The following KITLG variants were observed in gnomAD, a reference collection of about 807,000 sequenced individuals.
The protein encoded by KITLG is KIT ligand, also known as c-Kit ligand.
KITLG carries 13 observed loss-of-function variants against 34.1 expected under a neutral mutation model. The observed-to-expected ratio is 0.38, with a 90% confidence interval of 0.25 to 0.61. The LOEUF is 0.61. Among genes scored for constraint, KITLG ranks in the 20% least tolerant of loss-of-function variants. KITLG has a pLI of 0.60. For synonymous variants in KITLG, 110 were observed against 104.0 expected, an observed-to-expected ratio of 1.06 and a Z score of -0.35; for missense variants, 292 against 318.9, an observed-to-expected ratio of 0.92 and a Z score of 0.64.
At chr12:88,498,276 A>G (rs1868716917) in intron 9 of KITLG, among the ~76,000 whole-genome samples, 2 of 152,308 alleles carry the variant, frequency 1.3e-5, no homozygotes, top group South Asian at 2.1e-4. Context: ...CAGATTAGCC[A>G]TAAAATTCCA....
chr12:88,545,622 A>G, intron 2 of KITLG, 130 bp downstream of exon 2: 3 of 621,834 alleles, frequency 4.8e-6, no homozygotes, highest in Non-Finnish European at 8.6e-6. Context: ...ATTGTAACCC[A>G]GTGATTACTT....
chr12:88,513,412 G>C (rs570341693), intron 6 of KITLG, among the ~76,000 whole-genome samples: 164 of 151,706 alleles, frequency 1.1e-3, no homozygotes, highest in African/African-American at 3.7e-3. Flanking sequence ...GGAAATGGTG[G>C]ATTAAAATCC....
intron 9 of KITLG, among the ~76,000 whole-genome samples, chr12:88,499,242 C>T (rs1342401228): frequency 6.6e-6 from 1 of 152,154 alleles, no homozygotes; most frequent in Non-Finnish European, 1.5e-5. Flanking sequence ...AGAAACCAAA[C>T]TCCCAAAGCT....
At chr12:88,514,706 GT>G (rs200219732) in intron 6 of KITLG, among the ~76,000 whole-genome samples, 2 of 151,554 alleles carry the variant, frequency 1.3e-5, no homozygotes, top group African/African-American at 4.8e-5. Context: ...GTATTTTAGA[GT>G]TTTTTTAAAT....
At chr12:88,537,318 C>A (rs1328930066) in intron 2 of KITLG, among the ~76,000 whole-genome samples, 1 of 152,068 alleles carries the variant, frequency 6.6e-6, no homozygotes, top group Non-Finnish European at 1.5e-5. Flanking sequence ...AAAATCATGT[C>A]TTTCGCAGGA....
At chr12:88,530,988 G>A (rs900625377) in intron 3 of KITLG, among the ~76,000 whole-genome samples, 1 of 152,150 alleles carries the variant, frequency 6.6e-6, no homozygotes, top group Non-Finnish European at 1.5e-5. Context: ...ATAAGTTTTG[G>A]TAGATTATGG....
chr12:88,524,336 C>T (rs1869788806), intron 3 of KITLG, among the ~76,000 whole-genome samples: 1 of 152,064 alleles, frequency 6.6e-6, no homozygotes, highest in African/African-American at 2.4e-5. Flanking sequence ...TTGGAAAACA[C>T]AGAAATGTGA....
At chr12:88,517,277 G>A (rs1869494614) in intron 4 of KITLG, among the ~76,000 whole-genome samples, 1 of 151,898 alleles carries the variant, frequency 6.6e-6, no homozygotes, top group Non-Finnish European at 1.5e-5. Context: ...ATGATTAATT[G>A]ATATAAAATT....
chr12:88,559,171 C>T (rs74946708), intron 1 of KITLG, among the ~76,000 whole-genome samples: 2,065 of 152,294 alleles, frequency 0.014, 59 homozygotes, highest in African/African-American at 0.047. Flanking sequence ...TAGCATATCC[C>T]TCTAAACTAT....
intron 1 of KITLG, among the ~76,000 whole-genome samples, chr12:88,569,133 T>C (rs1219366260): frequency 1.3e-5 from 2 of 152,190 alleles, no homozygotes; most frequent in Non-Finnish European, 2.9e-5. Flanking sequence ...ACTCATGTTC[T>C]GTCCCCCTAA....
intron 1 of KITLG, among the ~76,000 whole-genome samples, chr12:88,558,306 T>A (rs192901481): frequency 1.3e-5 from 2 of 152,042 alleles, no homozygotes; most frequent in East Asian, 1.9e-4. Context: ...TTCAACAAAG[T>A]TCCCCCCACC....
intron 2 of KITLG, among the ~76,000 whole-genome samples, chr12:88,538,711 A>G (rs1452870790): frequency 1.3e-5 from 2 of 152,126 alleles, no homozygotes; most frequent in Non-Finnish European, 2.9e-5. Flanking sequence ...GTGGATAAGT[A>G]ACCAAGGCTA....
intron 7 of KITLG, 92 bp downstream of exon 7, chr12:88,506,936 C>G (rs752976267): frequency 5.0e-6 from 4 of 806,540 alleles, no homozygotes; most frequent in Non-Finnish European, 8.6e-6. Context: ...GTAGAATTCA[C>G]TGTTTTCTTA....
intron 1 of KITLG, among the ~76,000 whole-genome samples, chr12:88,579,437 A>G (rs1392919059): frequency 6.6e-6 from 1 of 152,070 alleles, no homozygotes. Context: ...CCCTTTCTAA[A>G]CGAAGAACCA....
chr12:88,507,083 A>G lies in KITLG; in HGVS notation c.659T>C (p.Leu220Ser), dbSNP rs372594912. 1.2e-6 allele frequency: 2 copies of G among 1,613,916 alleles called. No individual in the cohort carries two copies. The highest frequency in any genetic ancestry group is 1.7e-6 in the Non-Finnish European group (2 of 1,179,816). The stretch of plus-strand genomic sequence containing the variant: ...AATTATAAGAGAAAACAATGCTGGC[A>G]ATGCCATGGCTGCCCAGTGTAGGCT... ...DSSLHWAAMA[L>S]PALFSLIIGF... is the part of the protein sequence containing the mutation. Residue 220 changes from leucine (L) to serine (S), a missense_variant, in exon 7 of 10, where the codon TTG becomes TCG. Leu to Ser is a moderately radical substitution (Grantham distance 145). Coordinates refer to ENST00000644744, the MANE Select transcript of KITLG (RefSeq NM_000899.5).
intron 6 of KITLG, 59 bp downstream of exon 6, chr12:88,515,475 A>G: frequency 1.9e-6 from 2 of 1,026,276 alleles, no homozygotes; most frequent in East Asian, 2.4e-5. Context: ...AGCCCATGCA[A>G]TACTCCTATA....
chr12:88,513,527 G>A (rs1869356462), intron 6 of KITLG, among the ~76,000 whole-genome samples: 1 of 151,648 alleles, frequency 6.6e-6, no homozygotes, highest in African/African-American at 2.4e-5. Flanking sequence ...TTGTCTACTA[G>A]AGATGTACTT....
chr12:88,556,817 G>T (rs1449105560), intron 1 of KITLG, among the ~76,000 whole-genome samples: 1 of 152,200 alleles, frequency 6.6e-6, no homozygotes, highest in African/African-American at 2.4e-5. Context: ...TCAGTTGATT[G>T]TGGGGTACAG....
chr12:88,513,188 T>C (rs1869341128), intron 6 of KITLG, among the ~76,000 whole-genome samples: 3 of 151,744 alleles, frequency 2.0e-5, no homozygotes. Flanking sequence ...CTTGCATTTT[T>C]TTCTCAAGTG....
Sources: allele counts gnomAD v4.1 joint callset (sites outside exome capture counted in the v4.1 genomes callset), GRCh38; gene constraint gnomAD v4.1.1; transcripts MANE v1.5; gene names NCBI Gene and HGNC (gene_info 2026-07-23, HGNC 2026-07-21).